The following SNX31 variants were observed in gnomAD, a reference collection of about 807,000 sequenced individuals.
SNX31 encodes sorting nexin-31.
A neutral mutation model predicts 65.4 loss-of-function variants in SNX31; 58 were observed. The observed-to-expected ratio is 0.89, with a 90% CI of 0.72 to 1.10. SNX31 has a LOEUF of 1.10. Among genes scored for constraint, SNX31 ranks in the 50% least tolerant of loss-of-function variants. The pLI is 0.00. For missense variants in SNX31, 523 were observed against 529.7 expected, an observed-to-expected ratio of 0.99 and a Z score of 0.12; for synonymous variants, 181 against 190.1, an observed-to-expected ratio of 0.95 and a Z score of 0.39.
intron 10 of SNX31, among the ~76,000 whole-genome samples, chr8:100,590,162 A>G (rs539081563): frequency 6.6e-6 from 1 of 152,356 alleles, no homozygotes; most frequent in South Asian, 2.1e-4. Context: ...AAAGAGCCCT[A>G]ACTCTTACAG....
upstream of SNX31, among the ~76,000 whole-genome samples, chr8:100,650,562 C>T (rs1819934861): frequency 6.6e-6 from 1 of 152,146 alleles, no homozygotes; most frequent in South Asian, 2.1e-4. Flanking sequence ...AACGGGAATC[C>T]GAGACTAAGG....
At position 100,629,923 on chromosome 8, in the gene SNX31, T is replaced by C. The variant is rs1412992510; in HGVS notation, c.321+404A>G. ...GCCAGCATGGCCTGCTTTCCTGATG[T>C]CTTCACTGTGGCCCATTTGGAAATC... On this transcript the variant is annotated intron_variant, in intron 4 of 13. Coordinates refer to ENST00000311812, the MANE Select transcript of SNX31 (RefSeq NM_152628.4). This position sits in a 1 kb window ranked among gnomAD's most constrained non-coding sequence, Gnocchi z 5.1. 6.6e-6 allele frequency among the ~76,000 whole-genome samples: 1 copy of C among 152,252 alleles called. No individual in the cohort carries two copies.
intron 12 of SNX31, 46 bp downstream of exon 12, chr8:100,584,065 T>C (rs762676839): frequency 1.3e-6 from 2 of 1,558,714 alleles, no homozygotes; most frequent in Non-Finnish European, 8.8e-7. Flanking sequence ...TGTTGGCTGA[T>C]AGTGGGAACG....
chr8:100,581,942 T>C (rs1054701268), intron 12 of SNX31, among the ~76,000 whole-genome samples: 1 of 152,142 alleles, frequency 6.6e-6, no homozygotes, highest in Non-Finnish European at 1.5e-5. Context: ...AAATTCGAGA[T>C]TAAAATGCAG....
At chr8:100,616,845 G>A (rs901671982) in intron 5 of SNX31, among the ~76,000 whole-genome samples, 2 of 152,198 alleles carry the variant, frequency 1.3e-5, no homozygotes, top group African/African-American at 2.4e-5. Flanking sequence ...GCACAAGAAC[G>A]TTCTGTCCTT....
At chr8:100,598,220 T>A (rs1279491270) in intron 9 of SNX31, among the ~76,000 whole-genome samples, 1 of 152,086 alleles carries the variant, frequency 6.6e-6, no homozygotes, top group Non-Finnish European at 1.5e-5. Context: ...AGGCTTCAGC[T>A]TGGGAGATGC....
upstream of SNX31, among the ~76,000 whole-genome samples, chr8:100,654,001 G>C (rs752917281): frequency 3.4e-4 from 51 of 152,182 alleles, no homozygotes; most frequent in Admixed American, 5.2e-4. Flanking sequence ...AACTTGGTGG[G>C]TTTTGTTTTT....
At chr8:100,574,355 C>T (rs532208955) in intron 13 of SNX31, among the ~76,000 whole-genome samples, 2,326 of 152,310 alleles carry the variant, frequency 0.015, 35 homozygotes, top group Middle Eastern at 0.034. Context: ...GCTGGGCGGC[C>T]AGGCGCAGTG....
At position 100,576,896 on chromosome 8, in the gene SNX31, A is replaced by T; in HGVS notation, c.1227+123T>A. 1 of 813,008 alleles carries T rather than the reference A, an allele frequency of 1.2e-6. No individual in the cohort carries two copies. Among genetic ancestry groups the T allele is most frequent in the Non-Finnish European group, 2.0e-6 (1 of 504,252 alleles). The allele number at this position is 813,008 out of a possible 1,614,324, so 50.4% of individuals were successfully genotyped here. A position where few individuals can be genotyped will look rare whatever the true frequency, so the allele number is the denominator to read the frequency against. ...CTTCCAATTGGCCCAATCTACAAAG[A>T]GGAGCTTCTGAGAAACATAATTCTG... On this transcript the variant is annotated intron_variant, in intron 13 of 13. Transcript: ENST00000311812. The surrounding 1 kb of genome is among the most constrained non-coding windows in gnomAD (Gnocchi z 4.8).
At chr8:100,641,997 C>T (rs942929588) in intron 2 of SNX31, among the ~76,000 whole-genome samples, 15 of 151,756 alleles carry the variant, frequency 9.9e-5, no homozygotes, top group East Asian at 2.0e-4. Flanking sequence ...GAGAATGGCG[C>T]GAACCCGGGA....
intron 5 of SNX31, among the ~76,000 whole-genome samples, chr8:100,616,929 A>G (rs1020945579): frequency 6.6e-6 from 1 of 152,064 alleles, no homozygotes; most frequent in African/African-American, 2.4e-5. Context: ...GTTTCTCTGG[A>G]GGATTAGAGC....
In SNX31 at chr8:100,660,278, G is replaced by C. The variant is rs1233787679; in HGVS notation, c.-58+2864C>G. Among the ~76,000 whole-genome samples the C allele has an allele frequency of 1.3e-5, 2 of 152,172 alleles. No homozygotes were observed. Among genetic ancestry groups the C allele is most frequent in the East Asian group, 3.8e-4 (2 of 5,198 alleles). ...AATAATAGTAGAATGCTGATTTTCA[G>C]ATTAAAAAACTAAAGCAGAAAGAGG... On this transcript the variant is annotated intron_variant, in intron 1 of 5. Transcript: ENST00000520352. The surrounding 1 kb of genome is among the most constrained non-coding windows in gnomAD (Gnocchi z 4.1).
chr8:100,613,470 A>G lies in SNX31; in HGVS notation c.433-385T>C, dbSNP rs1816896168. Among the ~76,000 whole-genome samples the G allele has an allele frequency of 6.6e-6, 1 of 152,042 alleles. No individual in the cohort carries two copies. The highest frequency in any genetic ancestry group is 2.1e-4 in the South Asian group (1 of 4,808). ...TGTCTGTCCCTGGAACCTGCACACT[A>G]GTTTACCTTCCTGTGGGCTGCATTA... On this transcript the variant is annotated intron_variant, in intron 5 of 13. Coordinates refer to ENST00000311812, the MANE Select transcript of SNX31 (RefSeq NM_152628.4). The surrounding 1 kb of genome is among the most constrained non-coding windows in gnomAD (Gnocchi z 5.2).
chr8:100,637,722 G>C (rs942434429), intron 2 of SNX31, among the ~76,000 whole-genome samples: 13 of 152,126 alleles, frequency 8.5e-5, no homozygotes, highest in Admixed American at 8.5e-4. Context: ...TTGAGACAGA[G>C]TCTCGCTCTG....
At chr8:100,641,560 AAAAAAAT>A (rs1819186955) in intron 2 of SNX31, among the ~76,000 whole-genome samples, 1 of 30,788 alleles carries the variant, frequency 3.2e-5, no homozygotes, top group African/African-American at 2.3e-4. Flanking sequence ...AAAAAAAAAA[AAAAAAAT>A]ATATATATAT....
In SNX31 at chr8:100,649,521, G is replaced by C; in HGVS notation, c.-7C>G. 2 of 1,563,724 alleles carry C rather than the reference G, an allele frequency of 1.3e-6. No homozygotes were observed. The highest frequency in any genetic ancestry group is 1.7e-6 in the Non-Finnish European group (2 of 1,154,602). On this transcript the variant is annotated 5_prime_UTR_variant, in exon 1 of 14. Coordinates refer to ENST00000311812, the MANE Select transcript of SNX31 (RefSeq NM_152628.4). ...TACAGAAATGCATCTTCATGGCTGA[G>C]CGGTGTCTTGGGAGTAGCGCTGGGA...
chr8:100,620,447 T>C (rs939804545), intron 4 of SNX31, among the ~76,000 whole-genome samples: 2 of 152,364 alleles, frequency 1.3e-5, no homozygotes, highest in Admixed American at 1.3e-4. Flanking sequence ...GTTTTGACTT[T>C]ACATTTTAAT....
chr8:100,645,234 C>G (rs571985483), intron 2 of SNX31, among the ~76,000 whole-genome samples: 1 of 152,328 alleles, frequency 6.6e-6, no homozygotes, highest in East Asian at 1.9e-4. Flanking sequence ...GGATGCAGAA[C>G]TTCCCAGAAA....
chr8:100,593,827 C>A (rs1330677038), intron 10 of SNX31, among the ~76,000 whole-genome samples: 1 of 152,038 alleles, frequency 6.6e-6, no homozygotes, highest in Non-Finnish European at 1.5e-5. Context: ...ACATGTAAAA[C>A]CCCTAACTGT....
Sources: gnomAD v4.1 joint callset for allele counts (sites outside exome capture counted in the v4.1 genomes callset) on GRCh38, gnomAD v4.1.1 for gene constraint, Gnocchi (gnomAD v3.1) non-coding constraint, MANE v1.5 for transcripts, NCBI Gene and HGNC (gene_info 2026-07-23, HGNC 2026-07-21) for gene names.